SLC38A4: variants seen among roughly 807,000 people sequenced by gnomAD.
The protein encoded by SLC38A4 is solute carrier family 38 member 4, also known as sodium-coupled neutral amino acid transporter 4.
A neutral mutation model predicts 63.1 loss-of-function variants in SLC38A4; 20 were observed. The observed-to-expected ratio is 0.32, with a 90% CI of 0.22 to 0.46. SLC38A4 has a LOEUF of 0.46. Ranked by LOEUF, SLC38A4 falls within the 20% of genes least tolerant of loss-of-function variation. The pLI, the probability that SLC38A4 is intolerant of heterozygous loss-of-function variation, is 1.00. For missense variants in SLC38A4, 526 were observed against 663.6 expected (o/e 0.79, Z 2.28); for synonymous variants, 230 against 225.5 (o/e 1.02, Z -0.18).
rs769644483 is a variant in SLC38A4 at position 46,769,381 on chromosome 12, G to C, written c.1347C>G (p.Ser449Arg). 6.2e-7 allele frequency: 1 copy of C among 1,613,490 alleles called. No individual in the cohort carries two copies. The highest frequency in any genetic ancestry group is 1.1e-5 in the South Asian group (1 of 91,048). ...ITLLFPKRPF[S>R]WIRHFLIAAV... is the part of the protein sequence containing the mutation. ...CTGCAATCAGGAAATGTCGTATCCA[G>C]CTGAAGGGTCGTTTGGGAAATAACA... Residue 449 changes from serine to arginine, a missense_variant, in exon 15 of 17, where the codon AGC (serine) becomes AGG (arginine). By Grantham distance (110) the Ser-to-Arg change is moderately radical. Transcript: ENST00000266579.
rs769192999 is a variant in SLC38A4, at chr12:46,766,364, C to T, written c.*337G>A. On this transcript the variant is annotated 3_prime_UTR_variant, in exon 17 of 17. Transcript: ENST00000266579. ...TTTTAGGGGGTGCAGGATGAGGAGA[C>T]GGCAGGGGAAAGAGTACTATCTGAT... The T allele has an allele frequency of 1.5e-5, 7 of 467,366 alleles. No homozygotes were observed. The highest frequency in any genetic ancestry group is 4.6e-5 in the South Asian group (3 of 64,570). 29.0% of individuals were successfully genotyped at this position (467,366 alleles called of 1,614,324 possible).
At chr12:46,804,432 A>T (rs1054224948) in intron 1 of SLC38A4, among the ~76,000 whole-genome samples, 1 of 152,070 alleles carries the variant, frequency 6.6e-6, no homozygotes, top group East Asian at 1.9e-4. Flanking sequence ...AAATGTATCA[A>T]CTAGAAACTA....
chr12:46,823,315 C>T (rs1047858641), intron 1 of SLC38A4, among the ~76,000 whole-genome samples: 41 of 152,126 alleles, frequency 2.7e-4, no homozygotes, highest in African/African-American at 9.4e-4. Context: ...GAGATATGAC[C>T]CAGAAGAACA....
rs879575579 is a variant in SLC38A4, at chr12:46,798,796, T to G, written c.-113+4807A>C. Reference sequence around the variant, plus strand: ...GAGCGGTCCTCTGAGGTGAGTACAATTTTTTTTCTTATTCCCATTGTACAG... The same window carrying G: ...GAGCGGTCCTCTGAGGTGAGTACAAGTTTTTTTCTTATTCCCATTGTACAG... On this transcript the variant is annotated intron_variant, in intron 2 of 16. Coordinates refer to ENST00000266579, the MANE Select transcript of SLC38A4 (RefSeq NM_018018.5). Among the ~76,000 whole-genome samples the G allele has an allele frequency of 2.0e-5, 3 of 152,088 alleles. No individual in the cohort carries two copies. The South Asian group carries it at 6.2e-4, about 32-fold the overall frequency.
At chr12:46,766,883 C>A (rs1938312258) in intron 16 of SLC38A4, 81 bp from the exon 17 acceptor site, 3 of 892,498 alleles carry the variant, frequency 3.4e-6, no homozygotes, top group East Asian at 2.6e-5. Flanking sequence ...CATAATATGG[C>A]AATCTGATCT....
chr12:46,779,879 A>G lies in SLC38A4; in HGVS notation c.576-17T>C, dbSNP rs180426. The G allele has an allele frequency of 0.73, 1,176,053 of 1,610,240 alleles. 436,950 individuals carry two copies. Among genetic ancestry groups the G allele is most frequent in the Middle Eastern group, 0.79 (4,751 of 6,042 alleles). Reference sequence around the variant, plus strand: ...TACCATTCTCTAGAAGTGAGAGACAAGGATATTAGAATCAGAAAAGACCAA... The same window carrying G: ...TACCATTCTCTAGAAGTGAGAGACAGGGATATTAGAATCAGAAAAGACCAA... On this transcript the variant is annotated splice_polypyrimidine_tract_variant and intron_variant, in intron 8 of 16. Coordinates refer to ENST00000266579, the MANE Select transcript of SLC38A4 (RefSeq NM_018018.5).
At chr12:46,773,970 A>T (rs747617131) in intron 14 of SLC38A4, among the ~76,000 whole-genome samples, 3 of 151,972 alleles carry the variant, frequency 2.0e-5, no homozygotes, top group Non-Finnish European at 4.4e-5. Context: ...TGGCAATTTT[A>T]CCCTATCGTA....
intron 15 of SLC38A4, 53 bp downstream of exon 15, chr12:46,769,231 T>C (rs1938360580): frequency 1.3e-6 from 2 of 1,599,390 alleles, no homozygotes; most frequent in Non-Finnish European, 1.7e-6. Context: ...CTGTCCATCA[T>C]TTAATGAGGC....
intron 2 of SLC38A4, among the ~76,000 whole-genome samples, chr12:46,802,368 T>C (rs1024787919): frequency 1.3e-5 from 2 of 152,050 alleles, no homozygotes; most frequent in South Asian, 2.1e-4. Context: ...TTCATTATAA[T>C]AGATACTGGA....
chr12:46,827,097 T>C (rs761793769), upstream of SLC38A4, among the ~76,000 whole-genome samples: 1 of 152,148 alleles, frequency 6.6e-6, no homozygotes. Flanking sequence ...TAATCATGAA[T>C]ACACATTAGA....
chr12:46,814,666 G>A (rs1939403529), intron 1 of SLC38A4, among the ~76,000 whole-genome samples: 1 of 151,908 alleles, frequency 6.6e-6, no homozygotes, highest in African/African-American at 2.4e-5. Flanking sequence ...ACATTCAGTA[G>A]AATCAAATAT....
intron 1 of SLC38A4, among the ~76,000 whole-genome samples, chr12:46,821,426 C>T (rs1939547696): frequency 2.0e-5 from 3 of 151,984 alleles, no homozygotes; most frequent in African/African-American, 7.2e-5. Flanking sequence ...TATGTTTTCC[C>T]TATTGTGTGT....
At position 46,778,361 on chromosome 12, in the gene SLC38A4, T is replaced by C; in HGVS notation, c.1001A>G (p.Tyr334Cys). 1.2e-6 allele frequency: 2 copies of C among 1,612,656 alleles called. No homozygotes were observed. Among genetic ancestry groups the C allele is most frequent in the South Asian group, 1.1e-5 (1 of 91,046 alleles). Residue 334 changes from tyrosine to cysteine, a missense_variant, in exon 12 of 17, where the codon TAT becomes TGT. Coordinates refer to ENST00000266579, the MANE Select transcript of SLC38A4 (RefSeq NM_018018.5). ...KYFVFNSRTA[Y>C]AIPILVFAFV... ...AGCAAATACTAGGATAGGAATTGCA[T>C]AGGCCGTCTGAAAAACAAAGACAAC...
At chr12:46,776,268 C>T (rs1213342764) in intron 13 of SLC38A4, among the ~76,000 whole-genome samples, 1 of 151,994 alleles carries the variant, frequency 6.6e-6, no homozygotes, top group Non-Finnish European at 1.5e-5. Flanking sequence ...CAATCCTACT[C>T]CCTTTGTGAA....
At chr12:46,805,339 A>G (rs1186300851) in intron 1 of SLC38A4, among the ~76,000 whole-genome samples, 2 of 152,026 alleles carry the variant, frequency 1.3e-5, no homozygotes, top group Non-Finnish European at 2.9e-5. Context: ...CTTTTCTAAC[A>G]CTGACTTAAA....
chr12:46,787,631 A>G (rs79704561), intron 5 of SLC38A4, among the ~76,000 whole-genome samples: 1,821 of 152,284 alleles, frequency 0.012, 38 homozygotes, highest in African/African-American at 0.041. Context: ...ATGAGATAAA[A>G]TCAGATTTGC....
upstream of SLC38A4, among the ~76,000 whole-genome samples, chr12:46,830,147 T>C (rs1475751179): frequency 6.6e-6 from 1 of 152,206 alleles, no homozygotes; most frequent in African/African-American, 2.4e-5. Flanking sequence ...ATCAGCCTGA[T>C]AAAAAGTTTC....
chr12:46,794,228 A>G (rs1938954327), intron 2 of SLC38A4, among the ~76,000 whole-genome samples: 1 of 152,114 alleles, frequency 6.6e-6, no homozygotes, highest in Non-Finnish European at 1.5e-5. Context: ...TCCACAACCC[A>G]GTGCCATGGC....
In SLC38A4 at chr12:46,766,256, C is replaced by T; in HGVS notation, c.*445G>A. On this transcript the variant is annotated 3_prime_UTR_variant, in exon 17 of 17. Transcript: ENST00000266579. ...ACAGACCAGAGACTTTGGTGCAAGA[C>T]TGAGAGAAGACATTAAATGGTGATA... 1 of 401,236 alleles carries T rather than the reference C, an allele frequency of 2.5e-6. No individual in the cohort carries two copies. Among genetic ancestry groups the T allele is most frequent in the Non-Finnish European group, 5.0e-6 (1 of 199,716 alleles). The allele number at this position is 401,236 out of a possible 1,614,324, so 24.9% of individuals were successfully genotyped here.
Sources: allele counts gnomAD v4.1 joint callset (sites outside exome capture counted in the v4.1 genomes callset), GRCh38; gene constraint gnomAD v4.1.1; transcripts MANE v1.5; gene names NCBI Gene and HGNC (gene_info 2026-07-23, HGNC 2026-07-21).